PVT1: variants seen among roughly 807,000 people sequenced by gnomAD.
PVT1 encodes CXCR4/PVT1 fusion.
At chr8:127,926,977 C>T (rs186654122) in intron 3 of PVT1, among the ~76,000 whole-genome samples, 93 of 152,286 alleles carry the variant, frequency 6.1e-4, no homozygotes, top group Non-Finnish European at 1.1e-3. Flanking sequence ...TTCCCTCCTC[C>T]GTTCATTCCC....
At chr8:127,915,820 CCT>C (rs1815977814) in intron 3 of PVT1, among the ~76,000 whole-genome samples, 1 of 152,180 alleles carries the variant, frequency 6.6e-6, no homozygotes, top group African/African-American at 2.4e-5. Flanking sequence ...TGTTCCTCTT[CCT>C]CTACAGTGGA....
At chr8:127,944,568 T>TA (rs397729571) in intron 3 of PVT1, among the ~76,000 whole-genome samples, 2 of 151,448 alleles carry the variant, frequency 1.3e-5, no homozygotes, top group South Asian at 2.1e-4. Context: ...TTTTTTTTTT[T>TA]AAATGGTGAC....
chr8:127,930,976 C>T (rs111315507), intron 3 of PVT1, among the ~76,000 whole-genome samples: 1,956 of 152,174 alleles, frequency 0.013, 39 homozygotes, highest in African/African-American at 0.044. Context: ...TCAGTGGTGC[C>T]GTCACTGCAG....
intron 3 of PVT1, among the ~76,000 whole-genome samples, chr8:127,927,533 C>G (rs1354710918): frequency 6.6e-6 from 1 of 152,218 alleles, no homozygotes; most frequent in East Asian, 1.9e-4. Flanking sequence ...CATCCTAGCA[C>G]TGCTTGCTGC....
At chr8:128,085,602 G>A (rs1045024675) in intron 5 of PVT1, among the ~76,000 whole-genome samples, 9 of 152,096 alleles carry the variant, frequency 5.9e-5, no homozygotes, top group Non-Finnish European at 1.2e-4. Flanking sequence ...CCAAAACCTA[G>A]CACGCTTCTC....
chr8:127,854,595 A>G (rs935393403), intron 2 of PVT1: 3 of 152,084 alleles, frequency 2.0e-5, no homozygotes, highest in African/African-American at 7.2e-5. Context: ...TACATTCCTC[A>G]ATCTCGGTCC....
At chr8:128,012,885 G>T (rs1329773794) in intron 4 of PVT1, among the ~76,000 whole-genome samples, 1 of 152,084 alleles carries the variant, frequency 6.6e-6, no homozygotes, top group Non-Finnish European at 1.5e-5. Context: ...AGGGATCTGG[G>T]CTTTGGTGTT....
At chr8:127,883,349 A>G (rs1815490861) in intron 2 of PVT1, among the ~76,000 whole-genome samples, 1 of 152,160 alleles carries the variant, frequency 6.6e-6, no homozygotes, top group Non-Finnish European at 1.5e-5. Flanking sequence ...GTGGATGCGC[A>G]GAGGTGGTCT....
At chr8:127,948,681 G>A (rs933033040) in intron 3 of PVT1, 1 of 152,374 alleles carries the variant, frequency 6.6e-6, no homozygotes, top group Non-Finnish European at 1.5e-5. Context: ...TGACAAAGGA[G>A]GAGTGAAGAC....
At chr8:128,024,898 C>T (rs1378877543) in intron 4 of PVT1, among the ~76,000 whole-genome samples, 1 of 152,218 alleles carries the variant, frequency 6.6e-6, no homozygotes, top group East Asian at 1.9e-4. Context: ...GGTGGGGTCT[C>T]GCTATGTTGA....
chr8:127,862,457 G>A (rs1361517965), intron 2 of PVT1, among the ~76,000 whole-genome samples: 1 of 151,974 alleles, frequency 6.6e-6, no homozygotes, highest in East Asian at 1.9e-4. Context: ...ACAGGGTCTC[G>A]CTTTTTCACC....
intron 2 of PVT1, among the ~76,000 whole-genome samples, chr8:127,809,340 T>G (rs1011432310): frequency 1.3e-5 from 2 of 152,144 alleles, no homozygotes; most frequent in Non-Finnish European, 2.9e-5. Context: ...TACAGGTGCA[T>G]GGCACCACCC....
intron 3 of PVT1, among the ~76,000 whole-genome samples, chr8:127,900,618 A>G (rs919628175): frequency 1.3e-5 from 2 of 152,164 alleles, no homozygotes; most frequent in Non-Finnish European, 2.9e-5. Context: ...TGATGCTACT[A>G]TGCTTGTTCA....
At chr8:127,814,844 C>G (rs1473492836) in intron 2 of PVT1, among the ~76,000 whole-genome samples, 1 of 152,220 alleles carries the variant, frequency 6.6e-6, no homozygotes, top group East Asian at 1.9e-4. Flanking sequence ...TCCTCTCCCC[C>G]TCCCCTCATC....
chr8:128,032,472 G>A (rs1016571061), intron 4 of PVT1, among the ~76,000 whole-genome samples: 1 of 152,228 alleles, frequency 6.6e-6, no homozygotes, highest in African/African-American at 2.4e-5. Context: ...CATTCATTGA[G>A]TTAAGACCTT....
chr8:127,876,517 G>A (rs771276051), intron 2 of PVT1, among the ~76,000 whole-genome samples: 1 of 151,472 alleles, frequency 6.6e-6, no homozygotes, highest in African/African-American at 2.4e-5. Flanking sequence ...TATTTTAGCT[G>A]CTCCCTTCTT....
intron 3 of PVT1, among the ~76,000 whole-genome samples, chr8:127,970,599 G>A (rs572701777): frequency 4.6e-5 from 7 of 152,118 alleles, no homozygotes; most frequent in South Asian, 2.1e-4. Flanking sequence ...ACGCCCAGCC[G>A]ACTTGTTTTT....
intron 2 of PVT1, among the ~76,000 whole-genome samples, chr8:127,822,895 C>T (rs1563614607): frequency 6.6e-6 from 1 of 152,128 alleles, no homozygotes; most frequent in Non-Finnish European, 1.5e-5. Context: ...AAATTTTGTC[C>T]TGTAACCCAT....
chr8:127,873,148 TG>T (rs1815370514), intron 2 of PVT1, among the ~76,000 whole-genome samples: 1 of 152,208 alleles, frequency 6.6e-6, no homozygotes, highest in Admixed American at 6.5e-5. Context: ...GACAAGGGCC[TG>T]CCTCTGGCCT....
Sources: allele counts gnomAD v4.1 joint callset (sites outside exome capture counted in the v4.1 genomes callset), GRCh38; gene constraint gnomAD v4.1.1; transcripts MANE v1.5; gene names NCBI Gene and HGNC (gene_info 2026-07-23, HGNC 2026-07-21).